Variants in TENM1 observed in about 807,000 individuals in gnomAD.
TENM1 encodes the protein teneurin transmembrane protein 1.
In TENM1, 35 loss-of-function variants were observed where a neutral mutation model predicts 174.8. The ratio of observed to expected loss-of-function variants is 0.20; its 90% CI spans 0.15 to 0.27. The LOEUF (loss-of-function observed/expected upper bound fraction) is 0.27, where lower values mean the gene tolerates loss of function less well. Among genes scored for constraint, TENM1 ranks in the 10% least tolerant of loss-of-function variants. The probability of loss-of-function intolerance (pLI) is 1.00; values close to 1 mark genes in which losing one functional copy is unlikely to be tolerated. For synonymous variants in TENM1, 781 were observed against 798.7 expected (o/e 0.98, Z 0.37); for missense variants, 1,633 against 2,130.1 (o/e 0.77, Z 4.59).
intron 23 of TENM1, among the ~76,000 whole-genome samples, chrX:124,451,207 T>C (rs752061619): frequency 2.9e-4 from 32 of 110,894 alleles, no homozygotes; most frequent in African/African-American, 1.0e-3. Context: ...ACTGATTTTG[T>C]AGAATTGTGG....
chrX:124,778,124 T>C (rs2148633200), intron 3 of TENM1, among the ~76,000 whole-genome samples: 1 of 113,267 alleles, frequency 8.8e-6, no homozygotes, highest in South Asian at 3.6e-4. Context: ...TTCTCTTAAA[T>C]TGCAAACTAC....
intron 23 of TENM1, among the ~76,000 whole-genome samples, chrX:124,435,996 G>A (rs1430081178): frequency 8.9e-6 from 1 of 111,737 alleles, no homozygotes; most frequent in Admixed American, 9.5e-5. Context: ...AGCAAATCTG[G>A]CTGAGGTCTC....
the TENM1 span, among the ~76,000 whole-genome samples, chrX:125,195,323 T>C: frequency 1.8e-5 from 2 of 111,933 alleles, no homozygotes; most frequent in African/African-American, 6.5e-5. Flanking sequence ...CTGGGACCAG[T>C]GTTCTCTCAC....
chrX:125,030,881 A>G, the TENM1 span, among the ~76,000 whole-genome samples: 1 of 112,037 alleles, frequency 8.9e-6, no homozygotes, highest in Non-Finnish European at 1.9e-5. Context: ...TGAATAAAAT[A>G]TGTTTTGGAT....
chrX:124,690,000 T>C lies in TENM1; in HGVS notation c.1015+15013A>G, dbSNP rs762584188. 7.2e-5 allele frequency among the ~76,000 whole-genome samples: 8 copies of C among 111,669 alleles called. No individual in the cohort carries two copies. In the South Asian group the frequency reaches 1.9e-3, roughly 27 times the overall value. On this transcript the variant is annotated intron_variant, in intron 5 of 31. Transcript: ENST00000422452. ...AAAACTGTGGATAAGGCAGTACTAT[T>C]GTAATACCTAATTTGGATGAGACTA... is the stretch of plus-strand genomic sequence containing the variant.
At chrX:125,055,163 G>A in the TENM1 span, among the ~76,000 whole-genome samples, 1 of 111,026 alleles carries the variant, frequency 9.0e-6, no homozygotes, top group African/African-American at 3.3e-5. Context: ...GTTCACAAAA[G>A]ACTAGTTATA....
intron 28 of TENM1, among the ~76,000 whole-genome samples, chrX:124,388,203 C>G (rs1273718761): frequency 9.0e-6 from 1 of 111,571 alleles, no homozygotes; most frequent in Non-Finnish European, 1.9e-5. Flanking sequence ...CACACATTAT[C>G]TAGTACCAGC....
intron 11 of TENM1, among the ~76,000 whole-genome samples, chrX:124,640,255 T>C (rs1284096241): frequency 1.8e-5 from 2 of 111,879 alleles, no homozygotes; most frequent in East Asian, 5.6e-4. Flanking sequence ...TTTCCTGTAT[T>C]ACGTCTATGT....
chrX:125,068,712 G>C, the TENM1 span, among the ~76,000 whole-genome samples: 2 of 111,635 alleles, frequency 1.8e-5, no homozygotes, highest in Admixed American at 1.9e-4. Flanking sequence ...GGTATGAAGA[G>C]AAGTCTAGGA....
intron 18 of TENM1, among the ~76,000 whole-genome samples, chrX:124,519,926 C>A: frequency 9.0e-6 from 1 of 111,466 alleles, no homozygotes; most frequent in Non-Finnish European, 1.9e-5. Flanking sequence ...AAAAAAATGC[C>A]TTTTGTCTGG....
At chrX:124,647,755 TTGTG>T (rs943758338) in intron 8 of TENM1, among the ~76,000 whole-genome samples, 6 of 98,503 alleles carry the variant, frequency 6.1e-5, no homozygotes, top group Non-Finnish European at 1.2e-4. Context: ...GTGTGTGTGT[TTGTG>T]TGTGTGTGTG....
intron 3 of TENM1, among the ~76,000 whole-genome samples, chrX:124,877,870 T>C (rs969898276): frequency 2.7e-5 from 3 of 111,830 alleles, no homozygotes; most frequent in Admixed American, 9.5e-5. Context: ...GTATGTTATA[T>C]GTATTATATA....
chrX:125,140,225 A>G, the TENM1 span, among the ~76,000 whole-genome samples: 1 of 111,971 alleles, frequency 8.9e-6, no homozygotes, highest in African/African-American at 3.2e-5. Flanking sequence ...GTTCATACTA[A>G]TCCAAAATTT....
chrX:124,422,594 G>A (rs1466797422), exon 24 of TENM1: 1 of 1,209,856 alleles, frequency 8.3e-7, no homozygotes, highest in South Asian at 1.8e-5. Context: ...ACAATGAATT[G>A]TCCATAGGAT....
intron 3 of TENM1, among the ~76,000 whole-genome samples, chrX:124,785,193 A>C (rs1486239810): frequency 8.9e-6 from 1 of 111,933 alleles, no homozygotes; most frequent in Non-Finnish European, 1.9e-5. Flanking sequence ...TCTAAGTAAT[A>C]ATCTGTAACT....
At position 124,471,272 on chromosome X, in the gene TENM1, C is replaced by CTA. The variant is rs1350845671; in HGVS notation, c.3949+10458_3949+10459dup. Among the ~76,000 whole-genome samples the CTA allele has an allele frequency of 5.9e-5, 3 of 50,688 alleles. 1 individual carries two copies. Among genetic ancestry groups the CTA allele is most frequent in the East Asian group, 1.2e-3 (2 of 1,602 alleles). The allele number at this position is 50,688 out of a possible 115,157, so 44.0% of individuals were successfully genotyped here. The stretch of plus-strand genomic sequence containing the variant: ...ATAATATATATTATAATATATAGTA[C>CTA]TATATATAATATATAGTACTATATA... On this transcript the variant is annotated intron_variant, in intron 22 of 31. Transcript: ENST00000422452.
chrX:124,833,549 T>C (rs181901809), intron 3 of TENM1, among the ~76,000 whole-genome samples: 9 of 112,022 alleles, frequency 8.0e-5, no homozygotes, highest in African/African-American at 2.9e-4. Flanking sequence ...CCTCCAACTG[T>C]CTCATTAACC....
chrX:124,593,386 C>T (rs918762110), intron 11 of TENM1, among the ~76,000 whole-genome samples: 2 of 111,615 alleles, frequency 1.8e-5, no homozygotes, highest in Non-Finnish European at 3.8e-5. Flanking sequence ...AAGGGTGCAG[C>T]AGCTCATGGT....
rs951629199 is a variant in TENM1, at chrX:124,655,169, C to T, written c.1169-1386G>A. ...CTCTAGAGAACATTAAGTGTTGGGG[C>T]CAATGGAGGGTCAAAGCTAACCCCG... On this transcript the variant is annotated intron_variant, in intron 6 of 31. Coordinates refer to ENST00000422452, the Ensembl canonical transcript of TENM1. Among the ~76,000 whole-genome samples the T allele has an allele frequency of 2.7e-5, 3 of 111,363 alleles. No individual in the cohort carries two copies. The East Asian group carries it at 8.5e-4, about 32-fold the overall frequency.
Sources: gnomAD v4.1 joint callset for allele counts (sites outside exome capture counted in the v4.1 genomes callset) on GRCh38, gnomAD v4.1.1 for gene constraint, MANE v1.5 for transcripts, NCBI Gene and HGNC (gene_info 2026-07-23, HGNC 2026-07-21) for gene names.